The following INPP4A variants were observed in gnomAD, a reference collection of about 807,000 sequenced individuals.
INPP4A encodes the protein inositol polyphosphate-4-phosphatase type I A.
INPP4A carries 33 observed loss-of-function variants against 119.8 expected under a neutral mutation model. The observed-to-expected ratio is 0.28, with a 90% CI of 0.21 to 0.37. The LOEUF is 0.37. INPP4A is among the 10% of genes least tolerant of loss of function. The pLI, the probability that INPP4A is intolerant of heterozygous loss-of-function variation, is 1.00. For missense variants in INPP4A, 956 were observed against 1,289.9 expected (o/e 0.74, Z 3.97); for synonymous variants, 496 against 500.7 (o/e 0.99, Z 0.12).
rs1332574934 is a variant in INPP4A at position 98,593,459 on chromosome 2, G to C, written c.*5851G>C. On this transcript the variant is annotated 3_prime_UTR_variant, in exon 25 of 25. Coordinates refer to ENST00000409851, the MANE Select transcript of INPP4A (RefSeq NM_001134225.2). ...CACCACCTGCCACTAATGGCGTGGT[G>C]TTCTCCTGGGTTCCCTTTCTCACTT... 8 of 152,362 alleles carry C rather than the reference G, an allele frequency of 5.3e-5. No homozygotes were observed. Among genetic ancestry groups the C allele is most frequent in the Non-Finnish European group, 1.0e-4 (7 of 68,092 alleles). 9.4% of individuals were successfully genotyped at this position (152,362 alleles called of 1,614,324 possible).
intron 1 of INPP4A, among the ~76,000 whole-genome samples, chr2:98,463,937 G>T (rs1674165799): frequency 6.6e-6 from 1 of 152,220 alleles, no homozygotes; most frequent in African/African-American, 2.4e-5. Context: ...TCAGTAGTCA[G>T]TTGGCTTAGG....
chr2:98,511,763 A>T (rs1331539155), intron 1 of INPP4A, among the ~76,000 whole-genome samples: 1 of 152,178 alleles, frequency 6.6e-6, no homozygotes, highest in Non-Finnish European at 1.5e-5. Flanking sequence ...GTGGAAGGTC[A>T]CATGCTTCAC....
At chr2:98,520,491 A>G (rs1424178071) in intron 3 of INPP4A, among the ~76,000 whole-genome samples, 196 bp from the exon 4 acceptor site, 2 of 105,850 alleles carry the variant, frequency 1.9e-5, no homozygotes, top group Non-Finnish European at 4.2e-5. Flanking sequence ...AGATCTGAGG[A>G]GGAGCAGGGG....
intron 3 of INPP4A, 60 bp from the exon 4 acceptor site, chr2:98,520,627 A>T: frequency 9.3e-7 from 1 of 1,075,852 alleles, no homozygotes; most frequent in Non-Finnish European, 1.4e-6. Context: ...TGTGCATTTA[A>T]TCTGAAAACA....
At chr2:98,572,142 A>G (rs1455633543) in intron 22 of INPP4A, 1 of 152,292 alleles carries the variant, frequency 6.6e-6, no homozygotes, top group African/African-American at 2.4e-5. Context: ...TGTCTCTGAT[A>G]ATCCCAGTGT....
At chr2:98,573,325 A>G (rs1442476983) in intron 23 of INPP4A, among the ~76,000 whole-genome samples, 2 of 152,022 alleles carry the variant, frequency 1.3e-5, no homozygotes, top group East Asian at 3.9e-4. Flanking sequence ...TGATCTCCTC[A>G]TTTTCCCAAG....
chr2:98,463,589 G>A (rs1283692077), intron 1 of INPP4A, among the ~76,000 whole-genome samples: 1 of 152,260 alleles, frequency 6.6e-6, no homozygotes, highest in African/African-American at 2.4e-5. Context: ...GAGCACACCT[G>A]CCCCTTCTCA....
chr2:98,524,745 C>G (rs891426384), intron 4 of INPP4A, among the ~76,000 whole-genome samples: 1 of 152,140 alleles, frequency 6.6e-6, no homozygotes. Flanking sequence ...TTAGGGAATT[C>G]CTGTCCAGGC....
chr2:98,456,565 CG>C (rs1696172735), intron 1 of INPP4A, among the ~76,000 whole-genome samples: 1 of 152,182 alleles, frequency 6.6e-6, no homozygotes, highest in Non-Finnish European at 1.5e-5. Flanking sequence ...TCTTGAACTC[CG>C]GGCATCAAGC....
In INPP4A at chr2:98,444,937, T is replaced by C. The variant is rs894501907; in HGVS notation, c.-314T>C. On this transcript the variant is annotated 5_prime_UTR_variant, in exon 1 of 25. Transcript: ENST00000409851. Reference sequence around the variant, plus strand: ...TGGTTTGCCGCCGGGTCGGGCTCCGTGGGCCGGGGCAGGAGGACCAGCACC... The same window carrying C: ...TGGTTTGCCGCCGGGTCGGGCTCCGCGGGCCGGGGCAGGAGGACCAGCACC... 1 of 150,878 alleles carries C rather than the reference T, an allele frequency of 6.6e-6. No homozygotes were observed. Among genetic ancestry groups the C allele is most frequent in the African/African-American group, 2.4e-5 (1 of 41,152 alleles). 9.3% of individuals were successfully genotyped at this position (150,878 alleles called of 1,614,324 possible).
At chr2:98,498,246 C>T (rs2105340648) in intron 1 of INPP4A, among the ~76,000 whole-genome samples, 1 of 152,056 alleles carries the variant, frequency 6.6e-6, no homozygotes, top group Non-Finnish European at 1.5e-5. Context: ...ATAACTGAAT[C>T]ATGGGGGGTG....
At chr2:98,539,943 T>C (rs543463155) in intron 10 of INPP4A, among the ~76,000 whole-genome samples, 1 of 152,086 alleles carries the variant, frequency 6.6e-6, no homozygotes, top group South Asian at 2.1e-4. Context: ...TCTTTACTCT[T>C]TTTTTTTGAG....
chr2:98,462,054 C>T (rs1473422393), intron 1 of INPP4A, among the ~76,000 whole-genome samples: 1 of 152,246 alleles, frequency 6.6e-6, no homozygotes, highest in Non-Finnish European at 1.5e-5. Flanking sequence ...GTTTAAGCTT[C>T]TGCCCGTTTA....
Position 98,552,819 on chromosome 2 carries a change from A to C in INPP4A, c.1197A>C (p.Ile399=). The C allele has an allele frequency of 1.2e-6, 2 of 1,613,642 alleles. No individual in the cohort carries two copies. The highest frequency in any genetic ancestry group is 1.7e-6 in the Non-Finnish European group (2 of 1,179,696). ...TSSGCQSIIY[I]PQDVVRAKEI... ...CTGGCTGCCAGTCCATAATCTACAT[A>C]CCCCAGGATGTTGTCAGAGCCAAGG... Residue 399 remains isoleucine (I), a synonymous_variant, in exon 14 of 25, where the codon ATA becomes ATC. Coordinates refer to ENST00000409851, the MANE Select transcript of INPP4A (RefSeq NM_001134225.2).
chr2:98,508,210 G>T (rs1684456599), intron 1 of INPP4A, among the ~76,000 whole-genome samples: 1 of 152,222 alleles, frequency 6.6e-6, no homozygotes, highest in Non-Finnish European at 1.5e-5. Flanking sequence ...CCAGCTCTGG[G>T]CAAGGGAAGC....
rs1695860740 is a variant in INPP4A at position 98,563,457 on chromosome 2, T to C, written c.1856-8T>C. On this transcript the variant is annotated splice_region_variant and splice_polypyrimidine_tract_variant and intron_variant, in intron 17 of 24. Coordinates refer to ENST00000409851, the MANE Select transcript of INPP4A (RefSeq NM_001134225.2). ...CTCATTGTGATGACCCCTTCGCTTG[T>C]GCCCCAGGTGAATGGAGTGAGGCCC... 6.2e-7 allele frequency: 1 copy of C among 1,610,968 alleles called. No individual in the cohort carries two copies. Among genetic ancestry groups the C allele is most frequent in the Non-Finnish European group, 8.5e-7 (1 of 1,178,262 alleles).
chr2:98,472,614 C>T (rs1214480116), intron 1 of INPP4A, among the ~76,000 whole-genome samples: 1 of 152,240 alleles, frequency 6.6e-6, no homozygotes, highest in African/African-American at 2.4e-5. Flanking sequence ...GAGGCCACAG[C>T]ACATATGTCT....
intron 7 of INPP4A, among the ~76,000 whole-genome samples, chr2:98,536,807 CAATT>C (rs982429084): frequency 9.9e-5 from 15 of 152,162 alleles, no homozygotes; most frequent in Middle Eastern, 3.2e-3. Context: ...ATTTGACAAA[CAATT>C]AAGTCCCTGC....
At position 98,482,430 on chromosome 2, in the gene INPP4A, G is replaced by C. The variant is rs192813038; in HGVS notation, c.-165-36534G>C. Among the ~76,000 whole-genome samples the C allele has an allele frequency of 7.2e-5, 11 of 152,360 alleles. No individual in the cohort carries two copies. In the South Asian group the frequency reaches 1.7e-3, roughly 23 times the overall value. ...GGTTGCACCTGGTTCAGAATATGGG[G>C]CCCTGCAAGGAGGGCAGTCTGAAGA... On this transcript the variant is annotated intron_variant, in intron 1 of 24. Coordinates refer to ENST00000409851, the MANE Select transcript of INPP4A (RefSeq NM_001134225.2).
Sources: allele counts gnomAD v4.1 joint callset (sites outside exome capture counted in the v4.1 genomes callset), GRCh38; gene constraint gnomAD v4.1.1; transcripts MANE v1.5; gene names NCBI Gene and HGNC (gene_info 2026-07-23, HGNC 2026-07-21).